Variants in TMEM175 observed in about 807,000 individuals in gnomAD.
The protein encoded by TMEM175 is endosomal/lysosomal proton channel TMEM175.
Under a neutral mutation model 36.5 loss-of-function variants are expected in TMEM175, and 36 were observed. The ratio of observed to expected loss-of-function variants is 0.99; its 90% CI spans 0.76 to 1.30. The LOEUF (loss-of-function observed/expected upper bound fraction) is 1.30. Among genes scored for constraint, TMEM175 ranks in the 50% most tolerant of loss-of-function variants. TMEM175 has a pLI of 0.00. For synonymous variants in TMEM175, 339 were observed against 313.4 expected (o/e 1.08, Z -0.86); for missense variants, 705 against 692.8 (o/e 1.02, Z -0.20).
At chr4:952,563 CTG>C (rs147980248) in intron 7 of TMEM175, 113 bp downstream of exon 7, 71,273 of 652,156 alleles carry the variant, frequency 0.11, 1,388 homozygotes, top group African/African-American at 0.2. Flanking sequence ...GGGGCCTGCA[CTG>C]TGTGTGTGTG....
In TMEM175 at chr4:957,716, C is replaced by G. The variant is rs561297718; in HGVS notation, c.843-108C>G. The G allele has an allele frequency of 1.5e-5, 17 of 1,130,232 alleles. No individual in the cohort carries two copies. In the East Asian group the frequency reaches 2.6e-4, roughly 17 times the overall value. The allele number at this position is 1,130,232 out of a possible 1,614,324, so 70.0% of individuals were successfully genotyped here. Reference sequence around the variant, plus strand: ...ACACTGGGAAGTCCACATGGTTCATCTGAAAACGTGCCAGATCCAGGCAGC... The same window carrying G: ...ACACTGGGAAGTCCACATGGTTCATGTGAAAACGTGCCAGATCCAGGCAGC... On this transcript the variant is annotated intron_variant, in intron 10 of 10. Coordinates refer to ENST00000264771, the MANE Select transcript of TMEM175 (RefSeq NM_032326.4).
In TMEM175 at chr4:955,893, G is replaced by A. The variant is rs371013497; in HGVS notation, c.842+3G>A. 136 of 1,612,670 alleles carry A rather than the reference G, an allele frequency of 8.4e-5. No homozygotes were observed. In the Middle Eastern group the frequency reaches 1.3e-3, roughly 16 times the overall value. On this transcript the variant is annotated splice_donor_region_variant and intron_variant, in intron 10 of 10. Coordinates refer to ENST00000264771, the MANE Select transcript of TMEM175 (RefSeq NM_032326.4). The stretch of plus-strand genomic sequence containing the variant: ...ACGCTTCTCATCCTGGACATCTGGT[G>A]AGGACCCCGCGTCACCTGCCCCAGC...
Position 951,671 on chromosome 4 carries a change from C to T in TMEM175, c.343-11C>T. The T allele has an allele frequency of 6.2e-7, 1 of 1,614,138 alleles. No individual in the cohort carries two copies. The highest frequency in any genetic ancestry group is 2.2e-5 in the East Asian group (1 of 44,886). On this transcript the variant is annotated splice_polypyrimidine_tract_variant and intron_variant, in intron 5 of 10. Transcript: ENST00000264771. ...GCCGCATCATGGCTGTGATGCCCTC[C>T]CTCCCTCCAGGCCTGCATGATGACC...
At chr4:955,700 G>C in intron 9 of TMEM175, 55 bp from the exon 10 acceptor site, 2 of 1,592,246 alleles carry the variant, frequency 1.3e-6, no homozygotes, top group African/African-American at 1.3e-5. Flanking sequence ...AGCCACGCGG[G>C]CTCTACCTCC....
Position 932,814 on chromosome 4 carries a change from G to A in TMEM175, c.-32+274G>A, listed in dbSNP as rs576035525. Among the ~76,000 whole-genome samples, 3 of 152,364 alleles carry A rather than the reference G, an allele frequency of 2.0e-5. No homozygotes were observed. The highest frequency in any genetic ancestry group is 7.2e-5 in the African/African-American group (3 of 41,598). On this transcript the variant is annotated intron_variant, in intron 1 of 10. Transcript: ENST00000264771. This position sits in a 1 kb window ranked among gnomAD's most constrained non-coding sequence, Gnocchi z 4.0. The stretch of plus-strand genomic sequence containing the variant: ...GTTTCCTGTGACGCTTAGTGAGTAA[G>A]GTTGGCAGCCCCCTCCCAGCAGCCA...
chr4:958,529 CAG>C lies in TMEM175; in HGVS notation c.*37_*38del. On this transcript the variant is annotated 3_prime_UTR_variant, in exon 11 of 11. Coordinates refer to ENST00000264771, the MANE Select transcript of TMEM175 (RefSeq NM_032326.4). ...AGAGCCCACTCCCAGCCGTCCTCAC[CAG>C]AGATGGACCAGGGAGGACAGGATGC... 1 of 1,451,430 alleles carries C rather than the reference CAG, an allele frequency of 6.9e-7. No homozygotes were observed. The highest frequency in any genetic ancestry group is 1.4e-5 in the African/African-American group (1 of 71,202). The allele number at this position is 1,451,430 out of a possible 1,614,324, so 89.9% of individuals were successfully genotyped here.
chr4:958,107 G>A lies in TMEM175; in HGVS notation c.1126G>A (p.Val376Met), dbSNP rs763287303. ...GCAGCCCCGCGATGAGCTGGAGCGC[G>A]TGCGTGTCAGCTGCACCATCATCTT... ...ARQPRDELER[V>M]RVSCTIIFLA... The change falls in exon 11 of 11, where the codon GTG becomes ATG. Residue 376 changes from valine to methionine, a missense_variant. By Grantham distance (21) the Val-to-Met change is conservative. Transcript: ENST00000264771. 26 of 1,604,552 alleles carry A rather than the reference G, an allele frequency of 1.6e-5. 1 individual carries two copies. The highest frequency in any genetic ancestry group is 5.5e-5 in the South Asian group (5 of 91,068).
chr4:952,692 G>A (rs1944567534), intron 7 of TMEM175, among the ~76,000 whole-genome samples: 1 of 136,394 alleles, frequency 7.3e-6, no homozygotes, highest in Admixed American at 7.4e-5. Context: ...CCGGGGTCCT[G>A]TGCTCTGTGT....
At position 947,781 on chromosome 4, in the gene TMEM175, G is replaced by A. The variant is rs747420455; in HGVS notation, c.42G>A (p.Pro14=). Residue 14 remains proline, a synonymous_variant, in exon 2 of 11, where the codon CCG becomes CCA. Coordinates refer to ENST00000264771, the MANE Select transcript of TMEM175 (RefSeq NM_032326.4). ...PRTPEQALDT[P]GDCPPGRRDE... is the part of the protein sequence containing the mutation. The stretch of plus-strand genomic sequence containing the variant: ...CCCCAGAGCAGGCACTGGATACACC[G>A]GGGGACTGCCCCCCAGGCAGGAGAG... 2.0e-5 allele frequency: 32 copies of A among 1,612,584 alleles called. No homozygotes were observed. The highest frequency in any genetic ancestry group is 8.3e-5 in the Admixed American group (5 of 59,986).
At chr4:936,744 A>G (rs1258099610) in intron 1 of TMEM175, among the ~76,000 whole-genome samples, 1 of 152,092 alleles carries the variant, frequency 6.6e-6, no homozygotes, top group African/African-American at 2.4e-5. Context: ...TCACAAGGTC[A>G]GGAGATCAAG....
chr4:948,013 C>T (rs1243141647), intron 2 of TMEM175, 103 bp from the exon 3 acceptor site: 39 of 1,609,076 alleles, frequency 2.4e-5, no homozygotes, highest in Non-Finnish European at 3.2e-5. Context: ...CCTCAGGCAG[C>T]TTAGGGGGGC....
chr4:938,918 G>C (rs971817037), intron 1 of TMEM175, among the ~76,000 whole-genome samples: 2 of 152,214 alleles, frequency 1.3e-5, no homozygotes, highest in African/African-American at 4.8e-5. Context: ...AAAGAAGCTA[G>C]AATAGTCAAT....
At chr4:953,089 C>T (rs943415598) in intron 7 of TMEM175, 101 bp from the exon 8 acceptor site, 8 of 1,304,192 alleles carry the variant, frequency 6.1e-6, no homozygotes, top group African/African-American at 6.0e-5. Context: ...CTCCCCACCT[C>T]GAGACCCTTG....
At chr4:952,604 CCT>C (rs1729070365) in intron 7 of TMEM175, among the ~76,000 whole-genome samples, 154 bp downstream of exon 7, 1 of 123,766 alleles carries the variant, frequency 8.1e-6, no homozygotes, top group African/African-American at 3.2e-5. Context: ...CACCATCAGC[CCT>C]CTTGGGGCCT....
At chr4:942,365 C>T (rs927832311) in intron 1 of TMEM175, among the ~76,000 whole-genome samples, 12 of 152,044 alleles carry the variant, frequency 7.9e-5, no homozygotes, top group Non-Finnish European at 1.6e-4. Context: ...ATGCCCGGCC[C>T]GAATTCATTC....
rs749372019 is a variant in TMEM175 at position 951,756 on chromosome 4, T to C, written c.378+39T>C. 8.1e-6 allele frequency: 13 copies of C among 1,604,880 alleles called. No individual in the cohort carries two copies. The Admixed American group carries it at 1.8e-4, about 23-fold the overall frequency. Reference sequence around the variant, plus strand: ...GGCCCCTGACACCCTGAGGCTTTGCTGGGCACCACTGGATTTGACCTGTCC... The same window carrying C: ...GGCCCCTGACACCCTGAGGCTTTGCCGGGCACCACTGGATTTGACCTGTCC... On this transcript the variant is annotated intron_variant, in intron 6 of 10. Transcript: ENST00000264771.
chr4:950,337 G>GC (rs1560487964), intron 3 of TMEM175, 84 bp from the exon 4 acceptor site: 29 of 1,171,418 alleles, frequency 2.5e-5, no homozygotes, highest in South Asian at 3.8e-5. Flanking sequence ...GCCGAGGCCA[G>GC]CCCCCCCTCA....
At chr4:956,350 C>T (rs1475072516) in intron 10 of TMEM175, 1 of 1,291,416 alleles carries the variant, frequency 7.7e-7, no homozygotes, top group East Asian at 5.5e-5. Flanking sequence ...CTGTTGCTTC[C>T]TTCCAGCGTC....
In TMEM175 at chr4:948,802, G is replaced by C. The variant is rs541870022; in HGVS notation, c.192+648G>C. On this transcript the variant is annotated intron_variant, in intron 3 of 10. Coordinates refer to ENST00000264771, the MANE Select transcript of TMEM175 (RefSeq NM_032326.4). ...GTGCGCAAGGCACAGCAGTGACCAC[G>C]TAGCCCTTCCTGGGCCAGTACTGAG... 7.6e-4 allele frequency among the ~76,000 whole-genome samples: 116 copies of C among 152,356 alleles called. 1 individual carries two copies. Among genetic ancestry groups the C allele is most frequent in the African/African-American group, 2.6e-3 (108 of 41,586 alleles).
Sources: allele counts gnomAD v4.1 joint callset (sites outside exome capture counted in the v4.1 genomes callset), GRCh38; gene constraint gnomAD v4.1.1; non-coding constraint Gnocchi (gnomAD v3.1); transcripts MANE v1.5; gene names NCBI Gene and HGNC (gene_info 2026-07-23, HGNC 2026-07-21).